Variants in AQR observed in about 807,000 individuals in gnomAD.
AQR encodes aquarius intron-binding spliceosomal factor.
AQR carries 61 observed loss-of-function variants against 180.5 expected under a neutral mutation model. That is an observed-to-expected ratio of 0.34 (90% CI 0.28 to 0.42). The LOEUF is 0.42. Ranked by LOEUF, AQR falls within the 10% of genes least tolerant of loss-of-function variation. The pLI, the probability that AQR is intolerant of heterozygous loss-of-function variation, is 1.00. For synonymous variants in AQR, 551 were observed against 588.8 expected, an observed-to-expected ratio of 0.94 and a Z score of 0.93; for missense variants, 1,281 against 1,798.3, an observed-to-expected ratio of 0.71 and a Z score of 5.20.
chr15:34,854,861 G>A lies in AQR; in HGVS notation c.*1931C>T, dbSNP rs1229967045. The A allele has an allele frequency of 6.6e-6, 1 of 152,156 alleles. No homozygotes were observed. The highest frequency in any genetic ancestry group is 1.9e-4 in the East Asian group (1 of 5,188). The allele number at this position is 152,156 out of a possible 1,614,324, so 9.4% of individuals were successfully genotyped here. A position where few individuals can be genotyped will look rare whatever the true frequency, so the allele number is the denominator to read the frequency against. On this transcript the variant is annotated 3_prime_UTR_variant, in exon 35 of 35. Transcript: ENST00000156471. ...GGTATCATACCTCATATCCCCTAAG[G>A]GAGAGAGAAAAATCAATCTTTTCCA...
chr15:34,886,718 A>G (rs1271772775), intron 24 of AQR, 57 bp from the exon 25 acceptor site: 5 of 1,520,170 alleles, frequency 3.3e-6, no homozygotes, highest in Non-Finnish European at 4.4e-6. Context: ...TTTGAAGGAA[A>G]CAATCAGCAA....
At chr15:34,958,612 T>C (rs771859682) in intron 3 of AQR, among the ~76,000 whole-genome samples, 1 of 152,220 alleles carries the variant, frequency 6.6e-6, no homozygotes, top group Non-Finnish European at 1.5e-5. Flanking sequence ...CAGCTTTTGG[T>C]TGTTATAAAA....
chr15:34,954,368 C>A (rs971119442), intron 3 of AQR, among the ~76,000 whole-genome samples: 5 of 151,994 alleles, frequency 3.3e-5, no homozygotes, highest in Admixed American at 2.0e-4. Flanking sequence ...TACAGTGGCA[C>A]AAACATAGCT....
intron 2 of AQR, among the ~76,000 whole-genome samples, chr15:34,962,105 G>A (rs915592437): frequency 4.0e-5 from 6 of 149,228 alleles, no homozygotes; most frequent in African/African-American, 7.4e-5. Context: ...TCATTGCAAC[G>A]TCTGCCTTCC....
At chr15:34,902,137 T>C (rs571774178) in intron 19 of AQR, among the ~76,000 whole-genome samples, 1 of 152,222 alleles carries the variant, frequency 6.6e-6, no homozygotes, top group South Asian at 2.1e-4. Flanking sequence ...GTAAAAGATT[T>C]GTGAAGGAGC....
chr15:34,964,216 G>A lies in AQR; in HGVS notation c.132+18C>T, dbSNP rs754939463. The A allele has an allele frequency of 6.4e-7, 1 of 1,572,550 alleles. No individual in the cohort carries two copies. On this transcript the variant is annotated intron_variant, in intron 2 of 34. Transcript: ENST00000156471. ...AGTGTAACTTCTCAAGAATTATGTT[G>A]AAACCAAAAATACTTACCTTTATAT... is the stretch of plus-strand genomic sequence containing the variant.
chr15:34,911,252 A>G (rs764707340), intron 16 of AQR, among the ~76,000 whole-genome samples: 17 of 152,160 alleles, frequency 1.1e-4, no homozygotes, highest in Admixed American at 1.3e-4. Context: ...CAATGAACAC[A>G]AGAGTGCAGA....
intron 18 of AQR, 47 bp downstream of exon 18, chr15:34,906,498 T>C (rs748834887): frequency 1.8e-5 from 28 of 1,563,686 alleles, no homozygotes; most frequent in African/African-American, 2.8e-5. Context: ...GGCAAAGAAA[T>C]TTATCATTCT....
chr15:34,901,005 G>T, intron 19 of AQR, 142 bp from the exon 20 acceptor site: 1 of 1,093,610 alleles, frequency 9.1e-7, no homozygotes, highest in Non-Finnish European at 1.3e-6. Flanking sequence ...GCTGACAGGT[G>T]CTTGGCTAGA....
At chr15:34,955,674 G>A (rs536627162) in intron 3 of AQR, among the ~76,000 whole-genome samples, 6 of 152,220 alleles carry the variant, frequency 3.9e-5, no homozygotes, top group South Asian at 2.1e-4. Context: ...TTGGGAGGCC[G>A]AGGCATACAG....
chr15:34,960,683 G>A (rs2140508263), intron 3 of AQR, 91 bp downstream of exon 3: 1 of 591,422 alleles, frequency 1.7e-6, no homozygotes, highest in Non-Finnish European at 2.9e-6. Context: ...AACAGAAAAA[G>A]GGTTCAAGTT....
chr15:34,856,830 G>C lies in AQR; in HGVS notation c.4420C>G (p.Pro1474Ala), dbSNP rs1892592086. The C allele has an allele frequency of 1.3e-6, 2 of 1,592,688 alleles. No homozygotes were observed. Among genetic ancestry groups the C allele is most frequent in the South Asian group, 1.2e-5 (1 of 86,736 alleles). The change falls in exon 35 of 35, where the codon CCT becomes GCT. Residue 1474 changes from proline to alanine, a missense_variant. Pro to Ala is a conservative substitution (Grantham distance 27). Transcript: ENST00000156471. ...AVSAPAEANT[P>A]QDATSAPEET... Reference sequence around the variant, plus strand: ...TCCGGGGCAGATGTGGCATCCTGAGGTGTGTTAGCTTCTGCCGGTGCAGAT... The same window carrying C: ...TCCGGGGCAGATGTGGCATCCTGAGCTGTGTTAGCTTCTGCCGGTGCAGAT...
intron 9 of AQR, 48 bp downstream of exon 9, chr15:34,938,689 G>A (rs896089111): frequency 1.7e-6 from 2 of 1,173,704 alleles, no homozygotes; most frequent in Non-Finnish European, 2.5e-6. Flanking sequence ...TACCATAGGG[G>A]CAGCTATATG....
intron 28 of AQR, 57 bp from the exon 29 acceptor site, chr15:34,874,921 T>G: frequency 1.3e-6 from 2 of 1,491,102 alleles, no homozygotes; most frequent in Non-Finnish European, 1.8e-6. Context: ...TGTCTCCAAT[T>G]TATTACCCGA....
In AQR at chr15:34,863,056, C is replaced by T. The variant is rs373035032; in HGVS notation, c.3855-15G>A. On this transcript the variant is annotated splice_polypyrimidine_tract_variant and intron_variant, in intron 32 of 34. Transcript: ENST00000156471. ...GACGGACATCCCTTTGGGAAATAAA[C>T]AAAATAATTAGCACACTTCAAGATT... 48 of 1,600,750 alleles carry T rather than the reference C, an allele frequency of 3.0e-5. No individual in the cohort carries two copies. The African/African-American group carries it at 4.5e-4, about 15-fold the overall frequency.
chr15:34,960,649 C>T (rs2140508230), intron 3 of AQR, 125 bp downstream of exon 3: 1 of 505,062 alleles, frequency 2.0e-6, no homozygotes, highest in Admixed American at 4.5e-5. Flanking sequence ...TTTCTAGTCA[C>T]CATTGCCCTG....
intron 27 of AQR, among the ~76,000 whole-genome samples, chr15:34,878,729 T>A (rs1301487965): frequency 6.6e-6 from 1 of 152,102 alleles, no homozygotes; most frequent in African/African-American, 2.4e-5. Context: ...ATATTTAACT[T>A]CGTGTTTGTA....
intron 24 of AQR, among the ~76,000 whole-genome samples, chr15:34,888,472 A>T (rs745391571): frequency 6.6e-6 from 1 of 151,994 alleles, no homozygotes; most frequent in South Asian, 2.1e-4. Context: ...GCCAAGATGG[A>T]TTGCCTGAGC....
chr15:34,947,282 T>C (rs1322578123), intron 5 of AQR, among the ~76,000 whole-genome samples: 3 of 151,680 alleles, frequency 2.0e-5, no homozygotes, highest in Non-Finnish European at 4.4e-5. Context: ...CGGTGCAAGA[T>C]GTGCTTTGTT....
Sources: allele counts gnomAD v4.1 joint callset (sites outside exome capture counted in the v4.1 genomes callset), GRCh38; gene constraint gnomAD v4.1.1; transcripts MANE v1.5; gene names NCBI Gene and HGNC (gene_info 2026-07-23, HGNC 2026-07-21).